UBE2D2: variants seen among roughly 807,000 people sequenced by gnomAD.
UBE2D2 encodes the protein ubiquitin-conjugating enzyme E2 D2.
In UBE2D2, 2 loss-of-function variants were observed where a neutral mutation model predicts 24.2. The observed-to-expected ratio is 0.08, with a 90% CI of 0.03 to 0.26. UBE2D2 has a LOEUF of 0.26. Ranked by LOEUF, UBE2D2 falls within the 10% of genes least tolerant of loss-of-function variation. The probability of loss-of-function intolerance (pLI) is 1.00; values close to 1 mark genes in which losing one functional copy is unlikely to be tolerated. For missense variants in UBE2D2, 44 were observed against 177.6 expected (o/e 0.25, Z 4.28); for synonymous variants, 58 against 56.5 (o/e 1.03, Z -0.12).
intron 1 of UBE2D2, among the ~76,000 whole-genome samples, chr5:139,580,539 G>C (rs955554185): frequency 9.9e-5 from 15 of 152,134 alleles, no homozygotes; most frequent in African/African-American, 3.4e-4. Flanking sequence ...TCGGCTTACT[G>C]CAACCTCCGC....
At chr5:139,581,977 G>A (rs373915444) in intron 1 of UBE2D2, among the ~76,000 whole-genome samples, 1 of 150,104 alleles carries the variant, frequency 6.7e-6, no homozygotes. Context: ...TTTTTTTGGG[G>A]TTTTTTTTTG....
At chr5:139,602,388 G>A (rs181102367) in intron 2 of UBE2D2, among the ~76,000 whole-genome samples, 9 of 152,184 alleles carry the variant, frequency 5.9e-5, no homozygotes, top group African/African-American at 1.2e-4. Flanking sequence ...TAATAATGTT[G>A]TGTCTGGGCC....
At chr5:139,581,669 G>A (rs1034005717) in intron 1 of UBE2D2, among the ~76,000 whole-genome samples, 2 of 151,986 alleles carry the variant, frequency 1.3e-5, no homozygotes, top group Non-Finnish European at 2.9e-5. Context: ...TAGTTTGTTT[G>A]TTTGTTTGTT....
chr5:139,541,159 G>A (rs1257170124), intron 1 of UBE2D2, among the ~76,000 whole-genome samples: 9 of 150,938 alleles, frequency 6.0e-5, no homozygotes, highest in Middle Eastern at 3.4e-3. Flanking sequence ...TTAGCTGGGC[G>A]TGGTAGCATG....
intron 1 of UBE2D2, among the ~76,000 whole-genome samples, chr5:139,542,048 A>T (rs1752768143): frequency 6.6e-6 from 1 of 152,048 alleles, no homozygotes; most frequent in Non-Finnish European, 1.5e-5. Flanking sequence ...GTAGCCGGGC[A>T]TGGTGGCGTG....
intron 1 of UBE2D2, among the ~76,000 whole-genome samples, chr5:139,586,153 G>A (rs1350987866): frequency 6.6e-6 from 1 of 150,980 alleles, no homozygotes; most frequent in African/African-American, 2.4e-5. Flanking sequence ...CATAACTGCT[G>A]TTGTGAAGAT....
intron 2 of UBE2D2, among the ~76,000 whole-genome samples, chr5:139,613,986 C>A (rs755943869): frequency 6.7e-6 from 1 of 150,120 alleles, no homozygotes; most frequent in African/African-American, 2.4e-5. Context: ...TGCTTGAACC[C>A]GGGAGGCGGG....
intron 1 of UBE2D2, among the ~76,000 whole-genome samples, chr5:139,590,838 A>G (rs1338859589): frequency 8.7e-6 from 1 of 115,524 alleles, no homozygotes; most frequent in Non-Finnish European, 1.6e-5. Flanking sequence ...TCTGTCGCCC[A>G]GGCTGGAGTG....
At chr5:139,542,841 A>G (rs537046160) in intron 1 of UBE2D2, among the ~76,000 whole-genome samples, 3 of 152,318 alleles carry the variant, frequency 2.0e-5, no homozygotes, top group Admixed American at 2.0e-4. Context: ...TAAGTAAAAT[A>G]AGCCAACTGT....
intron 1 of UBE2D2, among the ~76,000 whole-genome samples, chr5:139,537,009 T>C (rs563605897): frequency 1.1e-4 from 16 of 151,646 alleles, no homozygotes; most frequent in African/African-American, 1.9e-4. Context: ...GAAACCCCGT[T>C]TCTACTAAAA....
At chr5:139,562,101 G>C in intron 1 of UBE2D2, 3 of 977,312 alleles carry the variant, frequency 3.1e-6, no homozygotes, top group Non-Finnish European at 4.4e-6. Flanking sequence ...GTCTGGGACT[G>C]CCGCTGCACT....
At chr5:139,588,341 T>C (rs1753777505) in intron 1 of UBE2D2, among the ~76,000 whole-genome samples, 1 of 150,342 alleles carries the variant, frequency 6.7e-6, no homozygotes, top group South Asian at 2.1e-4. Flanking sequence ...AGTGGCGCGA[T>C]CTCAGCTCAC....
intron 1 of UBE2D2, among the ~76,000 whole-genome samples, chr5:139,548,184 T>TAAAAAAAAAAAAAAAAAAA (rs1420608616): frequency 2.1e-5 from 1 of 46,886 alleles, no homozygotes; most frequent in South Asian, 7.0e-4. Flanking sequence ...AAAAAAAAAA[T>TAAAAAAAAAAAAAAAAAAA]AAAAAAAAAA....
In UBE2D2 at chr5:139,537,196, A is replaced by C. The variant is rs921568439; in HGVS notation, c.-64+10584A>C. Reference sequence around the variant, plus strand: ...AGACTCTGTCTCACAAAAAAAAAAAAAACAACAAAAAGTAATATACCCTTA... The same window carrying C: ...AGACTCTGTCTCACAAAAAAAAAAACAACAACAAAAAGTAATATACCCTTA... On this transcript the variant is annotated intron_variant, in intron 1 of 6. Coordinates refer to the UBE2D2 transcript ENST00000511725. 2.1e-4 allele frequency among the ~76,000 whole-genome samples: 32 copies of C among 151,872 alleles called. 1 individual carries two copies. Among genetic ancestry groups the C allele is most frequent in the African/African-American group, 5.8e-4 (24 of 41,370 alleles).
At chr5:139,623,601 AATAT>A (rs1299058820) in intron 6 of UBE2D2, 140 bp downstream of exon 6, 4 of 535,612 alleles carry the variant, frequency 7.5e-6, no homozygotes, top group Non-Finnish European at 1.3e-5. Context: ...AGAAAAGAGA[AATAT>A]ATGCATTGAG....
intron 1 of UBE2D2, among the ~76,000 whole-genome samples, chr5:139,552,419 C>T (rs995761259): frequency 4.6e-5 from 7 of 151,798 alleles, no homozygotes; most frequent in East Asian, 2.0e-4. Context: ...CCACCTGCCT[C>T]GGCCTCCCAA....
intron 1 of UBE2D2, among the ~76,000 whole-genome samples, chr5:139,537,173 A>G (rs1042961098): frequency 7.6e-5 from 11 of 144,960 alleles, no homozygotes; most frequent in Middle Eastern, 3.5e-3. Context: ...ACAGAGCGAG[A>G]CTCTGTCTCA....
At chr5:139,595,865 T>C (rs539068276) in intron 1 of UBE2D2, among the ~76,000 whole-genome samples, 24 of 151,082 alleles carry the variant, frequency 1.6e-4, no homozygotes, top group Admixed American at 1.3e-3. Context: ...AACTAGTTTC[T>C]TGTGGGTTTT....
At chr5:139,576,433 G>A (rs774325825) in intron 1 of UBE2D2, among the ~76,000 whole-genome samples, 2 of 150,622 alleles carry the variant, frequency 1.3e-5, no homozygotes, top group Non-Finnish European at 3.0e-5. Flanking sequence ...TCTCTTTTGT[G>A]TCTTATATGG....
Sources: gnomAD v4.1 joint callset for allele counts (sites outside exome capture counted in the v4.1 genomes callset) on GRCh38, gnomAD v4.1.1 for gene constraint, MANE v1.5 for transcripts, NCBI Gene and HGNC (gene_info 2026-07-23, HGNC 2026-07-21) for gene names.